The following TMEM178B variants were observed in gnomAD, a reference collection of about 807,000 sequenced individuals.
TMEM178B encodes the protein transmembrane protein 178B.
TMEM178B carries 5 observed loss-of-function variants against 31.0 expected under a neutral mutation model. The ratio of observed to expected loss-of-function variants is 0.16; its 90% CI spans 0.08 to 0.34. The LOEUF (loss-of-function observed/expected upper bound fraction) is 0.34, where lower values mean the gene tolerates loss of function less well. Among genes scored for constraint, TMEM178B ranks in the 10% least tolerant of loss-of-function variants. The probability of loss-of-function intolerance (pLI) is 1.00; values close to 1 mark genes in which losing one functional copy is unlikely to be tolerated. For missense variants in TMEM178B, 275 were observed against 400.3 expected (o/e 0.69, Z 2.67); for synonymous variants, 164 against 164.0 (o/e 1.00, Z 0.00).
intron 2 of TMEM178B, among the ~76,000 whole-genome samples, chr7:141,418,993 T>C (rs1801151544): frequency 6.6e-6 from 1 of 152,204 alleles, no homozygotes; most frequent in South Asian, 2.1e-4. Context: ...CTGCAACCTC[T>C]GTCTCCCAGG....
intron 1 of TMEM178B, among the ~76,000 whole-genome samples, chr7:141,211,334 G>A (rs542726811): frequency 5.3e-5 from 8 of 152,340 alleles, no homozygotes; most frequent in African/African-American, 1.2e-4. Context: ...ACTGGCAACT[G>A]GGCAGTTGTC....
intron 2 of TMEM178B, among the ~76,000 whole-genome samples, chr7:141,385,300 G>A (rs994658414): frequency 2.6e-4 from 39 of 152,306 alleles, no homozygotes; most frequent in East Asian, 5.8e-4. Flanking sequence ...CCGTTAACAG[G>A]GAACCAGTCC....
At chr7:141,440,540 T>G (rs914809606) in intron 3 of TMEM178B, among the ~76,000 whole-genome samples, 3 of 152,130 alleles carry the variant, frequency 2.0e-5, no homozygotes, top group Non-Finnish European at 2.9e-5. Flanking sequence ...ACTCCAACTT[T>G]TAAGGACTAT....
chr7:141,470,585 T>C lies in TMEM178B; in HGVS notation c.684T>C (p.Phe228=), dbSNP rs1003875794. The change falls in exon 4 of 4, where the codon TTT becomes TTC. Residue 228 remains phenylalanine, a synonymous_variant. Coordinates refer to ENST00000565468, the MANE Select transcript of TMEM178B (RefSeq NM_001195278.2). ...SLCTCVAGIN[F]ELSRYPRYLY... ...GCACCTGTGTGGCCGGGATCAACTT[T>C]GAGCTGTCACGCTACCCACGCTACC... 2.0e-6 allele frequency: 3 copies of C among 1,534,534 alleles called. No individual in the cohort carries two copies. The African/African-American group carries it at 4.1e-5, about 21-fold the overall frequency.
At chr7:141,244,225 T>G (rs564342306) in intron 2 of TMEM178B, among the ~76,000 whole-genome samples, 2 of 152,214 alleles carry the variant, frequency 1.3e-5, no homozygotes, top group African/African-American at 2.4e-5. Flanking sequence ...AGCTTGGAAG[T>G]ATGTCTATGT....
chr7:141,160,370 C>T (rs956252742), intron 1 of TMEM178B, among the ~76,000 whole-genome samples: 6 of 152,128 alleles, frequency 3.9e-5, no homozygotes, highest in Admixed American at 6.5e-5. Flanking sequence ...TTGAAGGCTC[C>T]GAGCTCACTG....
Position 141,237,072 on chromosome 7 carries a change from T to C in TMEM178B, c.496+24368T>C, listed in dbSNP as rs190633877. 1.7e-3 allele frequency among the ~76,000 whole-genome samples: 256 copies of C among 152,364 alleles called. 1 individual carries two copies. Among genetic ancestry groups the C allele is most frequent in the South Asian group, 5.0e-3 (24 of 4,828 alleles). On this transcript the variant is annotated intron_variant, in intron 2 of 3. Transcript: ENST00000565468. ...CCAAGTAATCTGAGATGCAAATTAA[T>C]ACACTAATAGCATATCTTTTGTTTT...
intron 2 of TMEM178B, among the ~76,000 whole-genome samples, chr7:141,400,233 T>C (rs922714183): frequency 1.3e-5 from 2 of 152,164 alleles, no homozygotes; most frequent in African/African-American, 4.8e-5. Flanking sequence ...CTTTCCTGCA[T>C]CTATTCAACA....
intron 2 of TMEM178B, among the ~76,000 whole-genome samples, chr7:141,282,171 T>C (rs1798376318): frequency 6.6e-6 from 1 of 152,108 alleles, no homozygotes; most frequent in Non-Finnish European, 1.5e-5. Flanking sequence ...TAGACCTAGA[T>C]GGAGTGGCCA....
intron 1 of TMEM178B, among the ~76,000 whole-genome samples, chr7:141,108,669 C>A (rs1795184739): frequency 6.6e-6 from 1 of 152,134 alleles, no homozygotes; most frequent in South Asian, 2.1e-4. Context: ...CTTCCAGTAT[C>A]CCGGCAGGCA....
At chr7:141,307,561 G>A (rs760971889) in intron 2 of TMEM178B, among the ~76,000 whole-genome samples, 1 of 152,180 alleles carries the variant, frequency 6.6e-6, no homozygotes. Flanking sequence ...ACCAGAATCC[G>A]GCATTTCAGA....
chr7:141,181,814 T>G (rs552069436), intron 1 of TMEM178B, among the ~76,000 whole-genome samples: 1 of 152,324 alleles, frequency 6.6e-6, no homozygotes, highest in Non-Finnish European at 1.5e-5. Flanking sequence ...CCTTGGGTGC[T>G]GATCCTGTTC....
chr7:141,281,538 A>G (rs944813254), intron 2 of TMEM178B, among the ~76,000 whole-genome samples: 2 of 152,216 alleles, frequency 1.3e-5, no homozygotes, highest in African/African-American at 2.4e-5. Flanking sequence ...CATGAAGTCC[A>G]TTAAGACACG....
At position 141,471,602 on chromosome 7, in the gene TMEM178B, C is replaced by G. The variant is rs1802243598; in HGVS notation, c.*816C>G. The G allele has an allele frequency of 2.0e-5, 3 of 150,604 alleles. No individual in the cohort carries two copies. The South Asian group carries it at 6.4e-4, about 32-fold the overall frequency. The allele number at this position is 150,604 out of a possible 1,614,324, so 9.3% of individuals were successfully genotyped here. A position where few individuals can be genotyped will look rare whatever the true frequency, so the allele number is the denominator to read the frequency against. On this transcript the variant is annotated 3_prime_UTR_variant, in exon 4 of 4. Coordinates refer to ENST00000565468, the MANE Select transcript of TMEM178B (RefSeq NM_001195278.2). The surrounding 1 kb of genome is among the most constrained non-coding windows in gnomAD (Gnocchi z 4.1). ...CGTGCATGTGTACTTTGGGCGGTTT[C>G]CTTTTTTTCTTTTCTACCTTTTAAA...
intron 2 of TMEM178B, among the ~76,000 whole-genome samples, chr7:141,224,573 C>T (rs1797310426): frequency 6.6e-6 from 1 of 152,208 alleles, no homozygotes; most frequent in African/African-American, 2.4e-5. Context: ...TGTTACTAGG[C>T]CTTTCTGTCA....
At chr7:141,265,454 C>T (rs1016185207) in intron 2 of TMEM178B, among the ~76,000 whole-genome samples, 5 of 152,040 alleles carry the variant, frequency 3.3e-5, no homozygotes, top group African/African-American at 1.2e-4. Context: ...TATATTTGCT[C>T]CTGGTAGAAG....
intron 2 of TMEM178B, among the ~76,000 whole-genome samples, chr7:141,428,194 T>C (rs1450921427): frequency 6.6e-6 from 1 of 151,214 alleles, no homozygotes; most frequent in African/African-American, 2.4e-5. Context: ...AGAAACCCTG[T>C]CTCTACTAAA....
chr7:141,423,434 CTT>C (rs1245564759), intron 2 of TMEM178B, among the ~76,000 whole-genome samples: 1 of 152,222 alleles, frequency 6.6e-6, no homozygotes, highest in Non-Finnish European at 1.5e-5. Flanking sequence ...CATGCTGAGT[CTT>C]TGACATCTGG....
chr7:141,156,717 C>G (rs1796076538), intron 1 of TMEM178B, among the ~76,000 whole-genome samples: 1 of 152,190 alleles, frequency 6.6e-6, no homozygotes, highest in Admixed American at 6.5e-5. Context: ...TAATTACTTA[C>G]TTGGTTGGCA....
Sources: allele counts gnomAD v4.1 joint callset (sites outside exome capture counted in the v4.1 genomes callset), GRCh38; gene constraint gnomAD v4.1.1; non-coding constraint Gnocchi (gnomAD v3.1); transcripts MANE v1.5; gene names NCBI Gene and HGNC (gene_info 2026-07-23, HGNC 2026-07-21).